The following FTCDNL1 variants were observed in gnomAD, a reference collection of about 807,000 sequenced individuals.
FTCDNL1 encodes the protein formiminotransferase cyclodeaminase N-terminal like.
Under a neutral mutation model 5.9 loss-of-function variants are expected in FTCDNL1, and 11 were observed. That is an observed-to-expected ratio of 1.87 (90% confidence interval 1.18 to 3.10). FTCDNL1 has a LOEUF of 3.10. FTCDNL1 is among the 30% of genes most tolerant of loss of function. The probability of loss-of-function intolerance (pLI) is 0.00; values close to 1 mark genes in which losing one functional copy is unlikely to be tolerated. For synonymous variants in FTCDNL1, 58 were observed against 24.8 expected (o/e 2.34, Z -3.99); for missense variants, 115 against 65.5 (o/e 1.76, Z -2.61).
chr2:199,671,609 G>T, the FTCDNL1 span, among the ~76,000 whole-genome samples: 8 of 152,046 alleles, frequency 5.3e-5, no homozygotes, highest in Admixed American at 3.9e-4. Context: ...TTTCAAAATT[G>T]AAGATTCTTT....
the FTCDNL1 span, among the ~76,000 whole-genome samples, chr2:199,667,416 C>T: frequency 1.6e-4 from 24 of 152,068 alleles, no homozygotes; most frequent in South Asian, 4.2e-3. Context: ...ATGGGAGGCT[C>T]GCGAGACAGC....
At chr2:199,715,259 C>A in the FTCDNL1 span, among the ~76,000 whole-genome samples, 2 of 152,038 alleles carry the variant, frequency 1.3e-5, no homozygotes, top group Non-Finnish European at 2.9e-5. Context: ...AAATCTAATT[C>A]CATATGTGAT....
chr2:199,814,373 T>G (rs1701224768), intron 4 of FTCDNL1, among the ~76,000 whole-genome samples: 1 of 152,168 alleles, frequency 6.6e-6, no homozygotes, highest in South Asian at 2.1e-4. Flanking sequence ...GGGTCCAAAT[T>G]CAAGTTCCAC....
intron 3 of FTCDNL1, among the ~76,000 whole-genome samples, chr2:199,765,027 T>G (rs963334384): frequency 2.0e-5 from 3 of 152,176 alleles, no homozygotes; most frequent in Admixed American, 6.5e-5. Context: ...TATGTGGGCC[T>G]TCTTTCGCCC....
intron 3 of FTCDNL1, among the ~76,000 whole-genome samples, chr2:199,840,359 G>A (rs2076549091): frequency 6.6e-6 from 1 of 152,214 alleles, no homozygotes; most frequent in East Asian, 1.9e-4. Context: ...ATGATTCATT[G>A]TGAACAATGT....
At chr2:199,665,857 C>T in the FTCDNL1 span, among the ~76,000 whole-genome samples, 100,332 of 151,836 alleles carry the variant, frequency 0.66, 35,836 homozygotes, top group South Asian at 0.9. Flanking sequence ...CTTTGTAAGG[C>T]CCTGTTACCT....
intron 4 of FTCDNL1, chr2:199,818,596 G>T (rs890332195): frequency 8.6e-5 from 13 of 151,614 alleles, no homozygotes; most frequent in Admixed American, 7.9e-4. Flanking sequence ...CAAAACCTGT[G>T]CTTTTTTTTT....
At chr2:199,759,671 T>C (rs1038671043), downstream of FTCDNL1, among the ~76,000 whole-genome samples, 2 of 152,236 alleles carry the variant, frequency 1.3e-5, no homozygotes, top group African/African-American at 4.8e-5. Context: ...TGATAATACT[T>C]CCACATGTCA....
Position 199,811,110 on chromosome 2 carries a change from G to A in FTCDNL1, c.*1595C>T, listed in dbSNP as rs1701012092. ...CTGGGAATTCTGCAGGAATGAATCAGATTACAGTATTTCCCCATAATGCTG... is the reference window on the plus strand; with the variant it reads ...CTGGGAATTCTGCAGGAATGAATCAAATTACAGTATTTCCCCATAATGCTG... On this transcript the variant is annotated 3_prime_UTR_variant, in exon 5 of 5. Transcript: ENST00000420128. Among the ~76,000 whole-genome samples the A allele has an allele frequency of 1.3e-5, 2 of 152,194 alleles. No homozygotes were observed. The highest frequency in any genetic ancestry group is 1.3e-4 in the Admixed American group (2 of 15,278).
chr2:199,848,750 GAAAGA>G (rs1376500059), intron 2 of FTCDNL1, 93 bp downstream of exon 2: 1 of 588,710 alleles, frequency 1.7e-6, no homozygotes, highest in Non-Finnish European at 3.0e-6. Flanking sequence ...CAGGAAGAAA[GAAAGA>G]AAAGTGTTCT....
At chr2:199,778,461 T>A (rs1013334398) in intron 3 of FTCDNL1, among the ~76,000 whole-genome samples, 1 of 152,162 alleles carries the variant, frequency 6.6e-6, no homozygotes. Context: ...ATGCTGAAAT[T>A]CAGTGCCCAC....
the FTCDNL1 span, among the ~76,000 whole-genome samples, chr2:199,747,494 C>A: frequency 6.6e-6 from 1 of 152,000 alleles, no homozygotes; most frequent in African/African-American, 2.4e-5. Context: ...GAGAGAAGAA[C>A]GTTGTAATGA....
chr2:199,720,528 A>AT, the FTCDNL1 span, among the ~76,000 whole-genome samples: 4 of 152,306 alleles, frequency 2.6e-5, no homozygotes, highest in African/African-American at 9.6e-5. Context: ...GCAATAAGAG[A>AT]TCATCCTTCC....
At chr2:199,791,941 G>A (rs545460874) in intron 3 of FTCDNL1, among the ~76,000 whole-genome samples, 2 of 151,850 alleles carry the variant, frequency 1.3e-5, no homozygotes, top group Non-Finnish European at 2.9e-5. Context: ...TTATTTACAT[G>A]AGCTAATTTC....
At chr2:199,744,181 TC>T in the FTCDNL1 span, among the ~76,000 whole-genome samples, 1 of 152,168 alleles carries the variant, frequency 6.6e-6, no homozygotes, top group African/African-American at 2.4e-5. Flanking sequence ...AGATGCCCCC[TC>T]CGTGCTGACA....
At chr2:199,676,460 CAT>C in the FTCDNL1 span, among the ~76,000 whole-genome samples, 1 of 151,862 alleles carries the variant, frequency 6.6e-6, no homozygotes, top group Non-Finnish European at 1.5e-5. Context: ...TTATATAAAA[CAT>C]AATGGTCTCC....
chr2:199,752,754 GTGTGTGTGTGTGTGTGTGTGTGTGTGTA>G, the FTCDNL1 span, among the ~76,000 whole-genome samples: 333 of 140,632 alleles, frequency 2.4e-3, 3 homozygotes, highest in Middle Eastern at 0.011. Context: ...GTGTGTGTGT[GTGTGTGTGTGTGTGTGTGTGTGTGTGTA>G]TGTGTGTGTG....
Position 199,819,639 on chromosome 2 carries a change from C to T in FTCDNL1, c.330G>A (p.Thr110=), listed in dbSNP as rs1462403796. ...VQRRKQLGWF[T]RRDFSALQPD... ...GCTGAAGAGCACTGAAATCCCTCCT[C>T]GTGAACCAGCCCAGCTGCTTCCTTC... The change falls in exon 4 of 5, where the codon ACG becomes ACA. Residue 110 remains threonine, a synonymous_variant. Transcript: ENST00000420128. The T allele has an allele frequency of 3.1e-5, 22 of 702,172 alleles. No homozygotes were observed. The highest frequency in any genetic ancestry group is 4.4e-5 in the Non-Finnish European group (17 of 384,814). 43.5% of individuals were successfully genotyped at this position (702,172 alleles called of 1,614,324 possible). A position where few individuals can be genotyped will look rare whatever the true frequency, so the allele number is the denominator to read the frequency against.
intron 3 of FTCDNL1, among the ~76,000 whole-genome samples, chr2:199,762,889 T>C (rs989822608): frequency 6.6e-6 from 1 of 152,196 alleles, no homozygotes; most frequent in East Asian, 1.9e-4. Flanking sequence ...ACAACATCAT[T>C]CCTGTAAAAT....
Sources: allele counts gnomAD v4.1 joint callset (sites outside exome capture counted in the v4.1 genomes callset), GRCh38; gene constraint gnomAD v4.1.1; transcripts MANE v1.5; gene names NCBI Gene and HGNC (gene_info 2026-07-23, HGNC 2026-07-21).